The following NUDCD1 variants were observed in gnomAD, a reference collection of about 807,000 sequenced individuals.
NUDCD1 encodes NudC domain containing 1.
A neutral mutation model predicts 67.8 loss-of-function variants in NUDCD1; 60 were observed. The ratio of observed to expected loss-of-function variants is 0.88; its 90% CI spans 0.72 to 1.10. The LOEUF (loss-of-function observed/expected upper bound fraction) is 1.10, where lower values mean the gene tolerates loss of function less well. Among genes scored for constraint, NUDCD1 ranks in the 50% least tolerant of loss-of-function variants. NUDCD1 has a pLI of 0.00. For synonymous variants in NUDCD1, 244 were observed against 230.8 expected (o/e 1.06, Z -0.52); for missense variants, 643 against 695.0 (o/e 0.93, Z 0.84).
At chr8:109,249,541 A>T (rs1212422144) in intron 8 of NUDCD1, among the ~76,000 whole-genome samples, 1 of 152,178 alleles carries the variant, frequency 6.6e-6, no homozygotes, top group Admixed American at 6.5e-5. Flanking sequence ...TCATTGTTCT[A>T]CTTGTCATTT....
At chr8:109,329,968 A>G (rs369457339) in intron 1 of NUDCD1, 57 of 1,361,536 alleles carry the variant, frequency 4.2e-5, no homozygotes, top group East Asian at 4.2e-4. Context: ...CAGATTCTAT[A>G]GTGTAGATTC....
intron 2 of NUDCD1, among the ~76,000 whole-genome samples, chr8:109,305,988 T>A (rs1815093364): frequency 6.6e-6 from 1 of 152,206 alleles, no homozygotes. Context: ...CTATTAGGTC[T>A]ATTTGTCCTT....
chr8:109,272,097 C>G (rs977289543), intron 7 of NUDCD1, among the ~76,000 whole-genome samples: 2 of 151,792 alleles, frequency 1.3e-5, no homozygotes, highest in Non-Finnish European at 2.9e-5. Flanking sequence ...TCAATCAACA[C>G]AAAGGAATGC....
intron 7 of NUDCD1, among the ~76,000 whole-genome samples, chr8:109,272,763 A>C (rs1317872670): frequency 6.6e-6 from 1 of 152,138 alleles, no homozygotes; most frequent in Non-Finnish European, 1.5e-5. Context: ...ACATGTGTCC[A>C]TGTCCCAGCT....
At position 109,270,997 on chromosome 8, in the gene NUDCD1, T is replaced by C; in HGVS notation, c.1299+8A>G. Reference sequence around the variant, plus strand: ...AAAATTTTAGAAATATTAATATCAGTAACTTACCACATGAGTAGTTTTTAA... The same window carrying C: ...AAAATTTTAGAAATATTAATATCAGCAACTTACCACATGAGTAGTTTTTAA... On this transcript the variant is annotated splice_region_variant and intron_variant, in intron 8 of 9. Coordinates refer to ENST00000239690, the MANE Select transcript of NUDCD1 (RefSeq NM_032869.4). The C allele has an allele frequency of 4.5e-6, 7 of 1,555,672 alleles. No individual in the cohort carries two copies. The highest frequency in any genetic ancestry group is 6.1e-6 in the Non-Finnish European group (7 of 1,145,504).
chr8:109,292,137 A>G (rs977482672), intron 4 of NUDCD1, among the ~76,000 whole-genome samples: 10 of 152,092 alleles, frequency 6.6e-5, no homozygotes, highest in Non-Finnish European at 8.8e-5. Flanking sequence ...TCAAATTCCT[A>G]TGTCCATAAA....
intron 2 of NUDCD1, among the ~76,000 whole-genome samples, chr8:109,299,448 T>C (rs531523901): frequency 1.3e-5 from 2 of 152,256 alleles, no homozygotes; most frequent in East Asian, 3.9e-4. Context: ...TCGGATTGCA[T>C]GGGAATTGGG....
In NUDCD1 at chr8:109,243,147, T is replaced by C; in HGVS notation, c.1614A>G (p.Gln538=). The C allele has an allele frequency of 6.2e-7, 1 of 1,613,940 alleles. No individual in the cohort carries two copies. Among genetic ancestry groups the C allele is most frequent in the Non-Finnish European group, 8.5e-7 (1 of 1,179,848 alleles). The change falls in exon 10 of 10, where the codon CAA becomes CAG. Residue 538 remains glutamine, a synonymous_variant. Transcript: ENST00000239690. ...TVLYNRKEGR[Q]VGQVAKQQVA... ...CTTGCTGCTTAGCAACCTGTCCTAC[T>C]TGCCTGCCTTCCTTTCTGTTGTAAA...
chr8:109,296,204 G>GT (rs1260536422), intron 3 of NUDCD1, among the ~76,000 whole-genome samples, 180 bp downstream of exon 3: 1 of 152,138 alleles, frequency 6.6e-6, no homozygotes, highest in Non-Finnish European at 1.5e-5. Context: ...AGTGGTTAAT[G>GT]TAACAGTTTG....
intron 9 of NUDCD1, among the ~76,000 whole-genome samples, chr8:109,244,045 C>G (rs1181699198): frequency 6.6e-6 from 1 of 151,960 alleles, no homozygotes; most frequent in East Asian, 1.9e-4. Context: ...TAGATAGTGA[C>G]ATGGTTAGCA....
At chr8:109,293,803 G>A (rs75206675) in intron 3 of NUDCD1, among the ~76,000 whole-genome samples, 3,150 of 152,074 alleles carry the variant, frequency 0.021, 110 homozygotes, top group African/African-American at 0.072. Flanking sequence ...TTGTATATGA[G>A]TGTGCATGTG....
At chr8:109,331,126 A>T in intron 1 of NUDCD1, among the ~76,000 whole-genome samples, 1 of 151,938 alleles carries the variant, frequency 6.6e-6, no homozygotes, top group East Asian at 1.9e-4. Flanking sequence ...GTGGATCGCG[A>T]GGTCAGGAGT....
chr8:109,289,914 A>C lies in NUDCD1; in HGVS notation c.660T>G (p.Ile220Met), dbSNP rs918167361. Reference sequence around the variant, plus strand: ...TTCCACGGAGAATATCACGCTTAATAATTTCATATTTTTTATTATCTGTAA... The same window carrying C: ...TTCCACGGAGAATATCACGCTTAATCATTTCATATTTTTTATTATCTGTAA... The part of the protein sequence containing the change: ...KKNQDNKKYE[I>M]IKRDILRGKS... The change falls in exon 5 of 10, where the codon ATT becomes ATG. Residue 220 changes from isoleucine (I) to methionine (M), a missense_variant. Ile to Met is a conservative substitution (Grantham distance 10). Coordinates refer to ENST00000239690, the MANE Select transcript of NUDCD1 (RefSeq NM_032869.4). 4.0e-6 allele frequency: 6 copies of C among 1,495,480 alleles called. No homozygotes were observed. Among genetic ancestry groups the C allele is most frequent in the Non-Finnish European group, 5.3e-6 (6 of 1,121,602 alleles). The allele number at this position is 1,495,480 out of a possible 1,614,324, so 92.6% of individuals were successfully genotyped here. A position where few individuals can be genotyped will look rare whatever the true frequency, so the allele number is the denominator to read the frequency against.
intron 2 of NUDCD1, among the ~76,000 whole-genome samples, chr8:109,303,782 C>T (rs958929274): frequency 4.6e-5 from 7 of 152,114 alleles, no homozygotes; most frequent in African/African-American, 9.7e-5. Context: ...ACCCTTACCT[C>T]GCTCAATGCC....
chr8:109,301,527 C>T (rs1814989988), intron 2 of NUDCD1, among the ~76,000 whole-genome samples: 1 of 152,202 alleles, frequency 6.6e-6, no homozygotes, highest in Admixed American at 6.5e-5. Context: ...GACAGGAGGA[C>T]TCCTTTGGGA....
At chr8:109,276,270 T>C (rs916084717) in intron 6 of NUDCD1, among the ~76,000 whole-genome samples, 2 of 152,110 alleles carry the variant, frequency 1.3e-5, no homozygotes, top group African/African-American at 2.4e-5. Context: ...AAGAAGTAAC[T>C]TGTCCCATGT....
At chr8:109,277,730 A>T (rs1387352348) in intron 6 of NUDCD1, among the ~76,000 whole-genome samples, 8 of 152,218 alleles carry the variant, frequency 5.3e-5, no homozygotes, top group African/African-American at 1.9e-4. Context: ...AACTACTTAC[A>T]TGAAGTCAAG....
At chr8:109,305,463 T>A (rs1326690581) in intron 2 of NUDCD1, among the ~76,000 whole-genome samples, 3 of 152,144 alleles carry the variant, frequency 2.0e-5, no homozygotes, top group Admixed American at 6.5e-5. Context: ...TAGAACGGAC[T>A]AATGGTCTTT....
At chr8:109,309,689 ACT>A (rs1563680636) in intron 2 of NUDCD1, among the ~76,000 whole-genome samples, 2 of 152,160 alleles carry the variant, frequency 1.3e-5, no homozygotes, top group East Asian at 3.8e-4. Flanking sequence ...TGATGATATA[ACT>A]ATTTACCTAG....
Sources: gnomAD v4.1 joint callset for allele counts (sites outside exome capture counted in the v4.1 genomes callset) on GRCh38, gnomAD v4.1.1 for gene constraint, MANE v1.5 for transcripts, NCBI Gene and HGNC (gene_info 2026-07-23, HGNC 2026-07-21) for gene names.